The following TMEM108 variants were observed in gnomAD, a reference collection of about 807,000 sequenced individuals.
The protein encoded by TMEM108 is transmembrane protein 108.
Under a neutral mutation model 35.1 loss-of-function variants are expected in TMEM108, and 12 were observed. That is an observed-to-expected ratio of 0.34 (90% CI 0.22 to 0.55). The LOEUF is 0.55. Ranked by LOEUF, TMEM108 falls within the 20% of genes least tolerant of loss-of-function variation. TMEM108 has a pLI of 0.89. For synonymous variants in TMEM108, 287 were observed against 308.6 expected (o/e 0.93, Z 0.73); for missense variants, 680 against 753.3 (o/e 0.90, Z 1.14).
At chr3:133,200,902 C>T (rs1945653202) in intron 2 of TMEM108, among the ~76,000 whole-genome samples, 1 of 152,200 alleles carries the variant, frequency 6.6e-6, no homozygotes, top group South Asian at 2.1e-4. Flanking sequence ...TTAGTAACCA[C>T]ATGTAGCTAG....
intron 2 of TMEM108, among the ~76,000 whole-genome samples, chr3:133,074,524 C>T (rs1252913738): frequency 6.6e-6 from 1 of 152,200 alleles, no homozygotes; most frequent in Non-Finnish European, 1.5e-5. Flanking sequence ...AAGTCTTGCT[C>T]TGTTGCCCAG....
At position 133,380,116 on chromosome 3, in the gene TMEM108, G is replaced by A; in HGVS notation, c.405G>A (p.Gly135=). 1.9e-6 allele frequency: 3 copies of A among 1,613,906 alleles called. No homozygotes were observed. Among genetic ancestry groups the A allele is most frequent in the Non-Finnish European group, 2.5e-6 (3 of 1,179,970 alleles). ...TSSKPEGRPR[G]QAAPTILLTK... is the part of the protein sequence containing the mutation. Reference sequence around the variant, plus strand: ...CCAAGCCAGAGGGCCGCCCTCGAGGGCAGGCTGCCCCCACCATCCTGCTGA... The same window carrying A: ...CCAAGCCAGAGGGCCGCCCTCGAGGACAGGCTGCCCCCACCATCCTGCTGA... Residue 135 remains glycine (G), a synonymous_variant, in exon 4 of 6, where the codon GGG becomes GGA. Transcript: ENST00000321871. The surrounding 1 kb of genome is among the most constrained non-coding windows in gnomAD (Gnocchi z 5.3).
At chr3:133,156,380 C>A (rs1944882363) in intron 2 of TMEM108, among the ~76,000 whole-genome samples, 1 of 152,100 alleles carries the variant, frequency 6.6e-6, no homozygotes, top group Admixed American at 6.6e-5. Context: ...AGATGAGTAG[C>A]ATCAGATAAC....
At chr3:133,076,829 C>A (rs1943748396) in intron 2 of TMEM108, among the ~76,000 whole-genome samples, 1 of 152,214 alleles carries the variant, frequency 6.6e-6, no homozygotes, top group Non-Finnish European at 1.5e-5. Flanking sequence ...TGGGTTGCGC[C>A]ACCTTTACAG....
At chr3:133,177,953 A>G (rs1945263524) in intron 2 of TMEM108, among the ~76,000 whole-genome samples, 1 of 152,220 alleles carries the variant, frequency 6.6e-6, no homozygotes, top group South Asian at 2.1e-4. Context: ...CTGATAGGCA[A>G]CTTCAACAAA....
At chr3:133,074,080 T>C (rs907119173) in intron 2 of TMEM108, among the ~76,000 whole-genome samples, 1 of 152,014 alleles carries the variant, frequency 6.6e-6, no homozygotes, top group African/African-American at 2.4e-5. Flanking sequence ...AGAGTTGGAG[T>C]TTCAAGTTAC....
At chr3:133,232,551 T>C (rs1373210598) in intron 3 of TMEM108, among the ~76,000 whole-genome samples, 1 of 152,216 alleles carries the variant, frequency 6.6e-6, no homozygotes, top group Non-Finnish European at 1.5e-5. Context: ...GGTATTTCTT[T>C]ATAGCAACAC....
At chr3:133,269,016 G>GT (rs903990121) in intron 3 of TMEM108, among the ~76,000 whole-genome samples, 20 of 151,836 alleles carry the variant, frequency 1.3e-4, no homozygotes, top group East Asian at 1.9e-4. Flanking sequence ...CCATCCAGTA[G>GT]TTTTTTTTTA....
intron 2 of TMEM108, among the ~76,000 whole-genome samples, chr3:133,207,936 A>G (rs746954068): frequency 2.2e-4 from 33 of 152,200 alleles, no homozygotes; most frequent in Non-Finnish European, 4.0e-4. Context: ...TGGTGAACTA[A>G]TAAATTATAG....
chr3:133,300,017 C>G (rs573939301), intron 3 of TMEM108, among the ~76,000 whole-genome samples: 63 of 152,200 alleles, frequency 4.1e-4, no homozygotes, highest in Admixed American at 2.9e-3. Flanking sequence ...TGCAGTGAGC[C>G]AAAGAGGCCT....
chr3:133,044,383 A>G (rs1044015678), intron 1 of TMEM108, among the ~76,000 whole-genome samples: 1 of 152,210 alleles, frequency 6.6e-6, no homozygotes, highest in Non-Finnish European at 1.5e-5. Context: ...TGTACCTGGT[A>G]CCCAGACTAA....
At chr3:133,077,189 C>T (rs749454701) in intron 2 of TMEM108, among the ~76,000 whole-genome samples, 73 of 152,136 alleles carry the variant, frequency 4.8e-4, no homozygotes, top group Non-Finnish European at 8.5e-4. Context: ...GCTGTGCTGG[C>T]GGTGAGCAGA....
rs1278775031 is a variant in TMEM108, at chr3:133,198,809, C to A, written c.-46-30457C>A. Among the ~76,000 whole-genome samples the A allele has an allele frequency of 2.0e-5, 3 of 152,078 alleles. No homozygotes were observed. In the East Asian group the frequency reaches 5.8e-4, roughly 29 times the overall value. On this transcript the variant is annotated intron_variant, in intron 2 of 5. Transcript: ENST00000321871. ...TGTCTTTGTGGCGTTCTCTGTATTTCCTGAATTTGAATGTCGGCCTGCCTT... is the reference window on the plus strand; with the variant it reads ...TGTCTTTGTGGCGTTCTCTGTATTTACTGAATTTGAATGTCGGCCTGCCTT...
chr3:133,256,189 A>G (rs1339202406), intron 3 of TMEM108, among the ~76,000 whole-genome samples: 2 of 152,228 alleles, frequency 1.3e-5, no homozygotes, highest in Non-Finnish European at 2.9e-5. Flanking sequence ...TAAAATGCTG[A>G]TAGAAAACAA....
intron 2 of TMEM108, among the ~76,000 whole-genome samples, chr3:133,178,499 AT>A (rs1945274972): frequency 6.6e-6 from 1 of 151,888 alleles, no homozygotes; most frequent in East Asian, 1.9e-4. Flanking sequence ...CTCAGAAATA[AT>A]GCCGCATATC....
chr3:133,367,064 C>A (rs1019216904), intron 3 of TMEM108, among the ~76,000 whole-genome samples: 2 of 152,182 alleles, frequency 1.3e-5, no homozygotes, highest in Non-Finnish European at 2.9e-5. Flanking sequence ...TCATTTAACC[C>A]AAAACAAAGG....
chr3:133,111,069 T>G (rs915282024), intron 2 of TMEM108, among the ~76,000 whole-genome samples: 1 of 152,194 alleles, frequency 6.6e-6, no homozygotes, highest in Non-Finnish European at 1.5e-5. Flanking sequence ...GCCATAGATG[T>G]GTGCTCATAT....
chr3:133,240,729 T>C (rs1043145778), intron 3 of TMEM108, among the ~76,000 whole-genome samples: 2 of 152,208 alleles, frequency 1.3e-5, no homozygotes, highest in Non-Finnish European at 2.9e-5. Context: ...AGCTCCCTCA[T>C]TGTCCTCAAC....
rs150451651 is a variant in TMEM108, at chr3:133,286,553, C to T, written c.40+57202C>T. ...ACTCTCACTATGTTGCCTAGGCAGGCCTCAAACTCCTAGGCTCAAGCAATC... is the reference window on the plus strand; with the variant it reads ...ACTCTCACTATGTTGCCTAGGCAGGTCTCAAACTCCTAGGCTCAAGCAATC... On this transcript the variant is annotated intron_variant, in intron 3 of 5. Transcript: ENST00000321871. Among the ~76,000 whole-genome samples the T allele has an allele frequency of 2.6e-3, 402 of 152,218 alleles. 3 individuals carry two copies. Among genetic ancestry groups the T allele is most frequent in the African/African-American group, 9.3e-3 (384 of 41,508 alleles).
Sources: allele counts gnomAD v4.1 joint callset (sites outside exome capture counted in the v4.1 genomes callset), GRCh38; gene constraint gnomAD v4.1.1; non-coding constraint Gnocchi (gnomAD v3.1); transcripts MANE v1.5; gene names NCBI Gene and HGNC (gene_info 2026-07-23, HGNC 2026-07-21).